The following CCDC171 variants were observed in gnomAD, a reference collection of about 807,000 sequenced individuals.
CCDC171 encodes coiled-coil domain-containing protein 171.
CCDC171 carries 177 observed loss-of-function variants against 168.2 expected under a neutral mutation model. That is an observed-to-expected ratio of 1.05 (90% CI 0.93 to 1.19). CCDC171 has a LOEUF of 1.19. Ranked by LOEUF, CCDC171 falls within the 50% of genes most tolerant of loss-of-function variation. CCDC171 has a pLI of 0.00. For synonymous variants in CCDC171, 687 were observed against 540.8 expected (o/e 1.27, Z -3.75); for missense variants, 1,991 against 1,539.0 (o/e 1.29, Z -4.91).
chr9:16,056,079 G>A (rs981394794), intron 1 of CCDC171, among the ~76,000 whole-genome samples: 1 of 152,104 alleles, frequency 6.6e-6, no homozygotes, highest in Non-Finnish European at 1.5e-5. Context: ...TCACAACCAT[G>A]TAATCTAAAC....
At chr9:15,639,943 C>G (rs1281571578) in intron 7 of CCDC171, among the ~76,000 whole-genome samples, 1 of 152,126 alleles carries the variant, frequency 6.6e-6, no homozygotes, top group African/African-American at 2.4e-5. Context: ...AGGTCTTTTG[C>G]TTACTCCTAA....
At chr9:16,032,237 G>A (rs548473279) in intron 6 of CCDC171, among the ~76,000 whole-genome samples, 11 of 152,278 alleles carry the variant, frequency 7.2e-5, no homozygotes, top group African/African-American at 2.4e-4. Flanking sequence ...TGCTGGCAGA[G>A]GAATGCATTT....
intron 21 of CCDC171, among the ~76,000 whole-genome samples, chr9:15,786,014 C>A (rs977462961): frequency 2.6e-5 from 4 of 151,712 alleles, no homozygotes; most frequent in Admixed American, 1.3e-4. Flanking sequence ...GGAAAATACA[C>A]GTGAATTTAA....
the CCDC171 span, among the ~76,000 whole-genome samples, chr9:16,090,017 C>A: frequency 3.9e-5 from 6 of 152,156 alleles, no homozygotes; most frequent in African/African-American, 1.4e-4. Context: ...TGTGGCAATT[C>A]CTCAGGGATC....
intron 6 of CCDC171, among the ~76,000 whole-genome samples, chr9:15,621,731 A>G (rs2044522098): frequency 6.6e-6 from 1 of 152,212 alleles, no homozygotes; most frequent in East Asian, 1.9e-4. Flanking sequence ...CGATTCCTCA[A>G]AGAACTAAAA....
chr9:15,698,794 C>A (rs2051434443), intron 11 of CCDC171, among the ~76,000 whole-genome samples: 1 of 152,102 alleles, frequency 6.6e-6, no homozygotes, highest in African/African-American at 2.4e-5. Flanking sequence ...CTCAAACAAT[C>A]CTCCTGCCTC....
chr9:16,029,166 G>A (rs2133037442), intron 6 of CCDC171, among the ~76,000 whole-genome samples: 1 of 152,252 alleles, frequency 6.6e-6, no homozygotes, highest in African/African-American at 2.4e-5. Flanking sequence ...TAAAAGGAGA[G>A]GAGAGAGAGG....
At chr9:15,942,412 A>C (rs1316570987) in intron 25 of CCDC171, among the ~76,000 whole-genome samples, 1 of 151,908 alleles carries the variant, frequency 6.6e-6, no homozygotes, top group Non-Finnish European at 1.5e-5. Flanking sequence ...ATTACTGAAA[A>C]TGTCATATTT....
At chr9:15,692,574 C>T (rs1326459479) in intron 10 of CCDC171, among the ~76,000 whole-genome samples, 1 of 150,384 alleles carries the variant, frequency 6.6e-6, no homozygotes, top group Non-Finnish European at 1.5e-5. Context: ...TTTTCCCAGG[C>T]TGGAGTGCAG....
chr9:15,898,553 C>T (rs1326797506), intron 24 of CCDC171, among the ~76,000 whole-genome samples: 1 of 152,076 alleles, frequency 6.6e-6, no homozygotes, highest in Admixed American at 6.6e-5. Flanking sequence ...CATGCCTTTG[C>T]CCGCTAAATC....
chr9:15,809,138 T>G (rs867844395), intron 21 of CCDC171, among the ~76,000 whole-genome samples: 2 of 152,170 alleles, frequency 1.3e-5, no homozygotes, highest in Non-Finnish European at 2.9e-5. Flanking sequence ...AAAAATTTTT[T>G]GGGAACATAA....
intron 3 of CCDC171, among the ~76,000 whole-genome samples, chr9:16,012,776 T>C (rs912013680): frequency 1.3e-5 from 2 of 152,178 alleles, no homozygotes; most frequent in South Asian, 4.1e-4. Context: ...GTTTGAGATA[T>C]TCCCCAGTGT....
chr9:16,027,764 G>A (rs540855837), intron 6 of CCDC171, among the ~76,000 whole-genome samples: 1 of 152,272 alleles, frequency 6.6e-6, no homozygotes, highest in East Asian at 1.9e-4. Context: ...AACAGGGACG[G>A]CAGCCCTGAT....
intron 21 of CCDC171, among the ~76,000 whole-genome samples, chr9:15,809,471 G>A (rs1012507797): frequency 2.0e-5 from 3 of 152,194 alleles, no homozygotes; most frequent in African/African-American, 7.2e-5. Context: ...TAAAGATGGT[G>A]TGTCTGGAGT....
intron 21 of CCDC171, among the ~76,000 whole-genome samples, chr9:15,807,226 A>G (rs189856039): frequency 2.6e-5 from 4 of 152,238 alleles, no homozygotes; most frequent in Admixed American, 2.0e-4. Flanking sequence ...ATTTTAGCCA[A>G]CTCAGTCTGG....
At chr9:15,852,647 A>G (rs964389725) in intron 23 of CCDC171, among the ~76,000 whole-genome samples, 4 of 151,624 alleles carry the variant, frequency 2.6e-5, no homozygotes, top group African/African-American at 9.7e-5. Context: ...CTAATAATCC[A>G]TGTCCAAATG....
chr9:15,796,298 G>A (rs2058552454), intron 21 of CCDC171, among the ~76,000 whole-genome samples: 2 of 151,232 alleles, frequency 1.3e-5, no homozygotes, highest in African/African-American at 4.9e-5. Flanking sequence ...CTCTCCAGGG[G>A]GACAAAATGA....
intron 18 of CCDC171, among the ~76,000 whole-genome samples, chr9:15,761,556 G>C (rs192735790): frequency 6.6e-6 from 1 of 152,294 alleles, no homozygotes; most frequent in East Asian, 1.9e-4. Flanking sequence ...ATTTTAACAA[G>C]ATCCTCAGGT....
At chr9:15,866,642 G>T (rs906091149) in intron 23 of CCDC171, among the ~76,000 whole-genome samples, 3 of 151,972 alleles carry the variant, frequency 2.0e-5, no homozygotes, top group African/African-American at 7.2e-5. Context: ...TGAACCTCAA[G>T]GGAAAGTCAG....
Sources: gnomAD v4.1 joint callset for allele counts (sites outside exome capture counted in the v4.1 genomes callset) on GRCh38, gnomAD v4.1.1 for gene constraint, MANE v1.5 for transcripts, NCBI Gene and HGNC (gene_info 2026-07-23, HGNC 2026-07-21) for gene names.